Variants in MAGI2 observed in about 807,000 individuals in gnomAD.
The protein encoded by MAGI2 is membrane associated guanylate kinase, WW and PDZ domain containing 2.
Under a neutral mutation model 133.3 loss-of-function variants are expected in MAGI2, and 35 were observed. The ratio of observed to expected loss-of-function variants is 0.26; its 90% CI spans 0.20 to 0.35. The LOEUF is 0.35. Ranked by LOEUF, MAGI2 falls within the 10% of genes least tolerant of loss-of-function variation. The pLI is 1.00. For missense variants in MAGI2, 1,636 were observed against 1,863.4 expected (o/e 0.88, Z 2.25); for synonymous variants, 729 against 710.6 (o/e 1.03, Z -0.41).
intron 1 of MAGI2, among the ~76,000 whole-genome samples, chr7:79,378,058 T>C (rs1272922964): frequency 2.6e-5 from 4 of 151,838 alleles, no homozygotes; most frequent in Non-Finnish European, 5.9e-5. Flanking sequence ...CAGATGCTGT[T>C]CCTTCTAAGT....
intron 21 of MAGI2, among the ~76,000 whole-genome samples, chr7:78,059,755 A>C (rs1461166091): frequency 7.4e-6 from 1 of 134,706 alleles, no homozygotes; most frequent in East Asian, 2.3e-4. Flanking sequence ...AGGGAGGAAC[A>C]ATGCCATATA....
At chr7:78,226,994 T>C (rs1789454885) in intron 10 of MAGI2, among the ~76,000 whole-genome samples, 1 of 152,206 alleles carries the variant, frequency 6.6e-6, no homozygotes, top group South Asian at 2.1e-4. Flanking sequence ...TGATTATAGA[T>C]ATTTTGTGGG....
intron 1 of MAGI2, among the ~76,000 whole-genome samples, chr7:79,302,553 T>A (rs1443522925): frequency 3.6e-5 from 5 of 140,314 alleles, no homozygotes. Flanking sequence ...ATGGATACCA[T>A]GTGCCTTCAA....
rs192619940 is a variant in MAGI2, at chr7:78,582,636, A to G, written c.538+44484T>C. Reference sequence around the variant, plus strand: ...AACACTTGAAAGACAGCTACCTACCAGAAGCACCTGCATTTGACTGTTGCT... The same window carrying G: ...AACACTTGAAAGACAGCTACCTACCGGAAGCACCTGCATTTGACTGTTGCT... On this transcript the variant is annotated intron_variant, in intron 3 of 21. Transcript: ENST00000354212. 1.6e-3 allele frequency among the ~76,000 whole-genome samples: 240 copies of G among 152,370 alleles called. 1 individual carries two copies. Among genetic ancestry groups the G allele is most frequent in the African/African-American group, 5.3e-3 (221 of 41,596 alleles).
At chr7:78,046,464 CA>C (rs1811446523) in intron 21 of MAGI2, among the ~76,000 whole-genome samples, 1 of 151,894 alleles carries the variant, frequency 6.6e-6, no homozygotes, top group East Asian at 1.9e-4. Context: ...AAATCTGGGT[CA>C]TCATCATAGG....
rs573447951 is a variant in MAGI2, at chr7:79,080,076, T to C, written c.302-72870A>G. ...CTCAGACACTATTTCATTTCTCTCA[T>C]AATTACTTAACCTATTTGACTGCTT... On this transcript the variant is annotated intron_variant, in intron 1 of 21. Transcript: ENST00000354212. Among the ~76,000 whole-genome samples the C allele has an allele frequency of 5.7e-4, 87 of 152,284 alleles. 2 individuals carry two copies. The South Asian group carries it at 7.3e-3, about 13-fold the overall frequency.
At chr7:78,906,600 T>C (rs1331877015) in intron 2 of MAGI2, among the ~76,000 whole-genome samples, 1 of 152,240 alleles carries the variant, frequency 6.6e-6, no homozygotes, top group Non-Finnish European at 1.5e-5. Context: ...CTTTTCCTTA[T>C]AATGTTCCTA....
chr7:78,906,867 T>C (rs1248981602), intron 2 of MAGI2, among the ~76,000 whole-genome samples: 1 of 152,152 alleles, frequency 6.6e-6, no homozygotes, highest in Non-Finnish European at 1.5e-5. Context: ...TATGCACATA[T>C]ATGTATATTT....
At chr7:79,130,154 C>CAAA (rs370367894) in intron 1 of MAGI2, among the ~76,000 whole-genome samples, 12 of 120,416 alleles carry the variant, frequency 1.0e-4, no homozygotes, top group Non-Finnish European at 1.3e-4. Context: ...ACTCTCTCTA[C>CAAA]AAAAAAAAAA....
chr7:78,163,606 T>C (rs1252186053), intron 15 of MAGI2, among the ~76,000 whole-genome samples: 4 of 152,160 alleles, frequency 2.6e-5, no homozygotes, highest in Non-Finnish European at 5.9e-5. Context: ...GAGCTGTTTC[T>C]GGTCTGCACA....
At chr7:78,604,285 C>A (rs143414505) in intron 3 of MAGI2, among the ~76,000 whole-genome samples, 1 of 152,168 alleles carries the variant, frequency 6.6e-6, no homozygotes, top group Admixed American at 6.5e-5. Context: ...ATTTGAAGAA[C>A]TGGGAGCAGG....
At chr7:78,592,641 A>G (rs1804134853) in intron 3 of MAGI2, among the ~76,000 whole-genome samples, 1 of 152,166 alleles carries the variant, frequency 6.6e-6, no homozygotes, top group Non-Finnish European at 1.5e-5. Flanking sequence ...CACAGGAAAT[A>G]TAATGATATT....
intron 2 of MAGI2, among the ~76,000 whole-genome samples, chr7:78,799,162 G>A (rs899374163): frequency 2.0e-5 from 3 of 152,132 alleles, no homozygotes; most frequent in Non-Finnish European, 4.4e-5. Context: ...TGCTGAACAT[G>A]TGCCTGATAT....
In MAGI2 at chr7:79,381,329, A is replaced by T. The variant is rs75183149; in HGVS notation, c.301+71691T>A. 8.5e-3 allele frequency among the ~76,000 whole-genome samples: 1,286 copies of T among 151,726 alleles called. 12 individuals carry two copies. The highest frequency in any genetic ancestry group is 0.03 in the African/African-American group (1,234 of 41,452). On this transcript the variant is annotated intron_variant, in intron 1 of 21. Coordinates refer to ENST00000354212, the MANE Select transcript of MAGI2 (RefSeq NM_012301.4). Reference sequence around the variant, plus strand: ...GAAATCTATAATATTCTCTTTTATTATGAATCCCAAATCCTACCTACCATT... The same window carrying T: ...GAAATCTATAATATTCTCTTTTATTTTGAATCCCAAATCCTACCTACCATT...
At position 79,339,438 on chromosome 7, in the gene MAGI2, T is replaced by G. The variant is rs182983670; in HGVS notation, c.301+113582A>C. ...ACCTATAGGTTTCTACATATGGTAG[T>G]TACAGGTTTGTTTGTTTTTGTTTTT... is the stretch of plus-strand genomic sequence containing the variant. On this transcript the variant is annotated intron_variant, in intron 1 of 21. Transcript: ENST00000354212. Among the ~76,000 whole-genome samples the G allele has an allele frequency of 4.7e-5, 7 of 149,598 alleles. No individual in the cohort carries two copies. In the East Asian group the frequency reaches 7.9e-4, roughly 17 times the overall value.
intron 20 of MAGI2, among the ~76,000 whole-genome samples, chr7:78,086,336 T>A (rs1001582601): frequency 6.6e-6 from 1 of 151,432 alleles, no homozygotes; most frequent in African/African-American, 2.4e-5. Flanking sequence ...TTCCTAGGTT[T>A]GAGTGATTAT....
chr7:79,453,410 CA>C lies in MAGI2; in HGVS notation c.-91del, dbSNP rs1347704142. ...ATGAGGATGGAGGAGCAAGGGGGCC[CA>C]GGGGGAAGAACAGCAGACTTTGCCT... On this transcript the variant is annotated 5_prime_UTR_variant, in exon 1 of 22. Coordinates refer to ENST00000354212, the MANE Select transcript of MAGI2 (RefSeq NM_012301.4). 18 of 1,511,234 alleles carry C rather than the reference CA, an allele frequency of 1.2e-5. No homozygotes were observed. The African/African-American group carries it at 2.0e-4, about 16-fold the overall frequency. 93.6% of individuals were successfully genotyped at this position (1,511,234 alleles called of 1,614,324 possible). A position where few individuals can be genotyped will look rare whatever the true frequency, so the allele number is the denominator to read the frequency against.
chr7:78,733,637 T>C (rs974978908), intron 2 of MAGI2, among the ~76,000 whole-genome samples: 3 of 152,188 alleles, frequency 2.0e-5, no homozygotes, highest in Admixed American at 2.0e-4. Flanking sequence ...AAATAATACA[T>C]ACAGCATTTA....
chr7:78,916,661 A>T (rs1291404748), intron 2 of MAGI2, among the ~76,000 whole-genome samples: 1 of 152,160 alleles, frequency 6.6e-6, no homozygotes, highest in Non-Finnish European at 1.5e-5. Context: ...GATGGAGTAA[A>T]GTCAAATGGA....
Sources: allele counts gnomAD v4.1 joint callset (sites outside exome capture counted in the v4.1 genomes callset), GRCh38; gene constraint gnomAD v4.1.1; transcripts MANE v1.5; gene names NCBI Gene and HGNC (gene_info 2026-07-23, HGNC 2026-07-21).